Variants in ZNF829 observed in about 807,000 individuals in gnomAD.
The protein encoded by ZNF829 is zinc finger protein 829.
Under a neutral mutation model 35.2 loss-of-function variants are expected in ZNF829, and 25 were observed. The ratio of observed to expected loss-of-function variants is 0.71; its 90% CI spans 0.52 to 0.99. The LOEUF (loss-of-function observed/expected upper bound fraction) is 0.99, where lower values mean the gene tolerates loss of function less well. ZNF829 is among the 50% of genes least tolerant of loss of function. The probability of loss-of-function intolerance (pLI) is 0.00; values close to 1 mark genes in which losing one functional copy is unlikely to be tolerated. For missense variants in ZNF829, 417 were observed against 515.3 expected (o/e 0.81, Z 1.85); for synonymous variants, 136 against 163.2 (o/e 0.83, Z 1.27).
intron 5 of ZNF829, among the ~76,000 whole-genome samples, chr19:36,902,744 G>A (rs1160061181): frequency 6.7e-6 from 1 of 149,258 alleles, no homozygotes; most frequent in Non-Finnish European, 1.5e-5. Context: ...TGACATCCAA[G>A]TAACTGTTGG....
chr19:36,915,350 G>A (rs2073307496), intron 1 of ZNF829, 99 bp from the exon 2 acceptor site: 3 of 1,414,924 alleles, frequency 2.1e-6, no homozygotes, highest in African/African-American at 2.9e-5. Flanking sequence ...CACTTAAGGC[G>A]ACATGCACGT....
chr19:36,895,383 A>C (rs554308311), intron 5 of ZNF829, among the ~76,000 whole-genome samples: 16 of 152,314 alleles, frequency 1.1e-4, no homozygotes, highest in Admixed American at 7.8e-4. Context: ...TAGAGCAGAT[A>C]CACAAATGGA....
rs2073041548 is a variant in ZNF829, at chr19:36,890,682, A to G, written c.*810T>C. ...ATGGTGAAACCCCGTCGCTACTAAA[A>G]ATACAAAAAAAAAAAAAAAAAAAAT... On this transcript the variant is annotated 3_prime_UTR_variant, in exon 6 of 6. Transcript: ENST00000391711. 1 of 135,814 alleles carries G rather than the reference A, an allele frequency of 7.4e-6. No homozygotes were observed. Among genetic ancestry groups the G allele is most frequent in the Non-Finnish European group, 1.6e-5 (1 of 63,576 alleles). 8.4% of individuals were successfully genotyped at this position (135,814 alleles called of 1,614,324 possible). A position where few individuals can be genotyped will look rare whatever the true frequency, so the allele number is the denominator to read the frequency against.
At chr19:36,896,259 C>T (rs367968118) in intron 5 of ZNF829, among the ~76,000 whole-genome samples, 2 of 149,950 alleles carry the variant, frequency 1.3e-5, no homozygotes, top group East Asian at 2.0e-4. Flanking sequence ...TGAAGTGAGC[C>T]GGGTTCGCAC....
intron 5 of ZNF829, chr19:36,907,656 A>G (rs1052476673): frequency 2.8e-5 from 7 of 246,922 alleles, no homozygotes; most frequent in Non-Finnish European, 5.4e-5. Flanking sequence ...ACTTACATCT[A>G]TTTCTCAGGG....
Position 36,889,252 on chromosome 19 carries a change from G to GT in ZNF829, c.*2239dup, listed in dbSNP as rs963782184. The GT allele has an allele frequency of 6.6e-6, 1 of 152,014 alleles. No homozygotes were observed. 9.4% of individuals were successfully genotyped at this position (152,014 alleles called of 1,614,324 possible). A position where few individuals can be genotyped will look rare whatever the true frequency, so the allele number is the denominator to read the frequency against. On this transcript the variant is annotated 3_prime_UTR_variant, in exon 6 of 6. Coordinates refer to ENST00000391711, the MANE Select transcript of ZNF829 (RefSeq NM_001037232.4). ...TTTTCATCAGGGATATTGGCTTGTAGTTTTTTTGTGTGTTTTATCCTTGCC... is the reference window on the plus strand; with the variant it reads ...TTTTCATCAGGGATATTGGCTTGTAGTTTTTTTTGTGTGTTTTATCCTTGCC...
At chr19:36,915,794 A>G (rs1394670897) in intron 1 of ZNF829, 1 of 1,445,490 alleles carries the variant, frequency 6.9e-7, no homozygotes. Flanking sequence ...ATGGGGTTTC[A>G]CCATGTTGGC....
Position 36,891,285 on chromosome 19 carries a change from T to C in ZNF829, c.*207A>G. Reference sequence around the variant, plus strand: ...AACCAAAACGATCAGCACCCTTGAGTTTAGATTTCCAGGCTCTAAACTATG... The same window carrying C: ...AACCAAAACGATCAGCACCCTTGAGCTTAGATTTCCAGGCTCTAAACTATG... On this transcript the variant is annotated 3_prime_UTR_variant, in exon 6 of 6. Coordinates refer to ENST00000391711, the MANE Select transcript of ZNF829 (RefSeq NM_001037232.4). The C allele has an allele frequency of 2.0e-6, 1 of 500,086 alleles. No individual in the cohort carries two copies. Among genetic ancestry groups the C allele is most frequent in the Non-Finnish European group, 3.4e-6 (1 of 298,136 alleles). The allele number at this position is 500,086 out of a possible 1,614,324, so 31.0% of individuals were successfully genotyped here.
chr19:36,888,811 T>C lies in ZNF829; in HGVS notation c.*2681A>G. 6.6e-6 allele frequency: 1 copy of C among 152,360 alleles called. No individual in the cohort carries two copies. The highest frequency in any genetic ancestry group is 1.5e-5 in the Non-Finnish European group (1 of 68,108). 9.4% of individuals were successfully genotyped at this position (152,360 alleles called of 1,614,324 possible). ...CCCACATTCAAGCAATTTGCTCTGT[T>C]GCCCAGGCTGGAGTGCAATGGCACT... On this transcript the variant is annotated 3_prime_UTR_variant, in exon 6 of 6. Coordinates refer to ENST00000391711, the MANE Select transcript of ZNF829 (RefSeq NM_001037232.4).
At chr19:36,897,926 TG>T (rs1314246605) in intron 5 of ZNF829, among the ~76,000 whole-genome samples, 12 of 152,224 alleles carry the variant, frequency 7.9e-5, no homozygotes, top group African/African-American at 2.9e-4. Context: ...CCCAGCAGTT[TG>T]GAAGGCCGAG....
chr19:36,905,369 T>G (rs2073206472), intron 5 of ZNF829: 1 of 152,102 alleles, frequency 6.6e-6, no homozygotes, highest in African/African-American at 2.4e-5. Context: ...GATATTAATA[T>G]TCTCATGAAA....
chr19:36,914,367 A>T (rs1017880027), intron 3 of ZNF829, among the ~76,000 whole-genome samples: 2 of 152,194 alleles, frequency 1.3e-5, no homozygotes, highest in Non-Finnish European at 2.9e-5. Flanking sequence ...ACGAATCAAT[A>T]AGAGCTATTC....
intron 5 of ZNF829, among the ~76,000 whole-genome samples, chr19:36,900,186 ACAC>A (rs1290483948): frequency 6.7e-6 from 1 of 149,278 alleles, no homozygotes; most frequent in Admixed American, 6.7e-5. Flanking sequence ...ACACACACAC[ACAC>A]ACACACACAA....
intron 5 of ZNF829, chr19:36,906,600 ATATCC>A (rs1244449405): frequency 6.6e-6 from 1 of 152,190 alleles, no homozygotes; most frequent in African/African-American, 2.4e-5. Context: ...GAACACACAC[ATATCC>A]TATTGCTCAG....
At position 36,890,213 on chromosome 19, in the gene ZNF829, A is replaced by G. The variant is rs2073036828; in HGVS notation, c.*1279T>C. 6.6e-6 allele frequency: 1 copy of G among 152,138 alleles called. No homozygotes were observed. Among genetic ancestry groups the G allele is most frequent in the Non-Finnish European group, 1.5e-5 (1 of 68,036 alleles). The allele number at this position is 152,138 out of a possible 1,614,324, so 9.4% of individuals were successfully genotyped here. ...ACCTATTTTTGAGAATGTTCCATGC[A>G]CAGAAGAGAAGAGTATATATTCTGT... is the stretch of plus-strand genomic sequence containing the variant. On this transcript the variant is annotated 3_prime_UTR_variant, in exon 6 of 6. Coordinates refer to ENST00000391711, the MANE Select transcript of ZNF829 (RefSeq NM_001037232.4).
chr19:36,901,809 G>T, intron 5 of ZNF829: 1 of 668,634 alleles, frequency 1.5e-6, no homozygotes. Flanking sequence ...GTGGTGACCT[G>T]AGAATACACC....
At position 36,891,916 on chromosome 19, in the gene ZNF829, C is replaced by T. The variant is rs778461996; in HGVS notation, c.875G>A (p.Gly292Asp). The change falls in exon 6 of 6, where the codon GGT becomes GAT. Residue 292 changes from glycine to aspartate, a missense_variant. Transcript: ENST00000391711. ...TTCTTTACATTCATAAGGTTTCTCA[C>T]CAGTATGAATTCTCAGATGTAGAAA... is the stretch of plus-strand genomic sequence containing the variant. ...QLFLHLRIHT[G>D]EKPYECKECG... The T allele has an allele frequency of 1.2e-6, 2 of 1,614,048 alleles. No homozygotes were observed. The highest frequency in any genetic ancestry group is 2.2e-5 in the East Asian group (1 of 44,864).
Position 36,908,582 on chromosome 19 carries a change from C to A in ZNF829, c.97-123G>T, listed in dbSNP as rs937977181. 5 of 1,101,238 alleles carry A rather than the reference C, an allele frequency of 4.5e-6. No individual in the cohort carries two copies. In the African/African-American group the frequency reaches 8.0e-5, roughly 18 times the overall value. The allele number at this position is 1,101,238 out of a possible 1,614,324, so 68.2% of individuals were successfully genotyped here. The stretch of plus-strand genomic sequence containing the variant: ...GAATCCTATCATATCAGAAGATATA[C>A]GTCCTGTGTACAAAGGGATATACAA... On this transcript the variant is annotated intron_variant, in intron 3 of 5. Coordinates refer to ENST00000391711, the MANE Select transcript of ZNF829 (RefSeq NM_001037232.4).
At chr19:36,904,795 A>C (rs11672037) in intron 5 of ZNF829, among the ~76,000 whole-genome samples, 10,375 of 152,300 alleles carry the variant, frequency 0.068, 479 homozygotes, top group Non-Finnish European at 0.1. Context: ...AAAATGAAAA[A>C]GGAATAAACA....
Sources: gnomAD v4.1 joint callset for allele counts (sites outside exome capture counted in the v4.1 genomes callset) on GRCh38, gnomAD v4.1.1 for gene constraint, MANE v1.5 for transcripts, NCBI Gene and HGNC (gene_info 2026-07-23, HGNC 2026-07-21) for gene names.